Variants in AZI2 observed in about 807,000 individuals in gnomAD.
The protein encoded by AZI2 is 5-azacytidine induced 2.
Under a neutral mutation model 45.8 loss-of-function variants are expected in AZI2, and 22 were observed. That is an observed-to-expected ratio of 0.48 (90% confidence interval 0.34 to 0.69). The LOEUF is 0.69. Ranked by LOEUF, AZI2 falls within the 30% of genes least tolerant of loss-of-function variation. The pLI is 0.01. For missense variants in AZI2, 417 were observed against 441.5 expected, an observed-to-expected ratio of 0.94 and a Z score of 0.50; for synonymous variants, 137 against 156.7, an observed-to-expected ratio of 0.87 and a Z score of 0.94.
intron 6 of AZI2, among the ~76,000 whole-genome samples, chr3:28,329,000 C>T (rs534710000): frequency 6.6e-6 from 1 of 151,260 alleles, no homozygotes; most frequent in African/African-American, 2.4e-5. Flanking sequence ...ATCCTCACCG[C>T]AGTTCCCCAA....
intron 7 of AZI2, among the ~76,000 whole-genome samples, chr3:28,326,059 C>CT (rs1379945108): frequency 6.6e-6 from 1 of 151,016 alleles, no homozygotes; most frequent in Non-Finnish European, 1.5e-5. Flanking sequence ...TGGTGATAAT[C>CT]TTTTATAAAA....
chr3:28,338,666 A>C, intron 2 of AZI2, 51 bp from the exon 3 acceptor site: 1 of 1,523,914 alleles, frequency 6.6e-7, no homozygotes, highest in Non-Finnish European at 8.9e-7. Flanking sequence ...TCTATAGATA[A>C]AAAATAAGTC....
intron 1 of AZI2, among the ~76,000 whole-genome samples, chr3:28,344,188 GT>G (rs1198848005): frequency 6.6e-6 from 1 of 151,862 alleles, no homozygotes; most frequent in East Asian, 1.9e-4. Context: ...AACTTTTATT[GT>G]TTTAAAATAA....
intron 7 of AZI2, among the ~76,000 whole-genome samples, chr3:28,326,309 A>G (rs1254907091): frequency 1.3e-5 from 2 of 151,044 alleles, no homozygotes; most frequent in Admixed American, 6.6e-5. Context: ...GTTGAAGGGC[A>G]TAAGGGGAGA....
At chr3:28,335,867 G>A (rs1356786805) in intron 5 of AZI2, among the ~76,000 whole-genome samples, 1 of 151,988 alleles carries the variant, frequency 6.6e-6, no homozygotes, top group Non-Finnish European at 1.5e-5. Context: ...AAATGGTTGA[G>A]TGGAGAAACA....
rs754137225 is a variant in AZI2, at chr3:28,338,625, T to C, written c.217-10A>G. On this transcript the variant is annotated splice_polypyrimidine_tract_variant and intron_variant, in intron 2 of 7. Transcript: ENST00000479665. ...CAAATCGAGCTATTAGCTAACGGTATGAAATTAGAAGAGAAAGCTTAAGAG... is the reference window on the plus strand; with the variant it reads ...CAAATCGAGCTATTAGCTAACGGTACGAAATTAGAAGAGAAAGCTTAAGAG... The C allele has an allele frequency of 6.2e-7, 1 of 1,605,638 alleles. No individual in the cohort carries two copies. Among genetic ancestry groups the C allele is most frequent in the South Asian group, 1.1e-5 (1 of 89,674 alleles).
chr3:28,331,410 C>T (rs1371208964), intron 6 of AZI2, among the ~76,000 whole-genome samples: 5 of 151,392 alleles, frequency 3.3e-5, no homozygotes, highest in South Asian at 2.1e-4. Context: ...AGATAAAATT[C>T]GAAGGCATAA....
At position 28,338,473 on chromosome 3, in the gene AZI2, T is replaced by A. The variant is rs1703884365; in HGVS notation, c.339+20A>T. On this transcript the variant is annotated intron_variant, in intron 3 of 7. Transcript: ENST00000479665. The stretch of plus-strand genomic sequence containing the variant: ...ATTCATTTCCAAAATGCAGATGTCA[T>A]TCGCTTCAAATCAACTTACCATTTT... The A allele has an allele frequency of 6.6e-7, 1 of 1,517,238 alleles. No homozygotes were observed. Among genetic ancestry groups the A allele is most frequent in the Non-Finnish European group, 9.0e-7 (1 of 1,116,724 alleles). The allele number at this position is 1,517,238 out of a possible 1,614,324, so 94.0% of individuals were successfully genotyped here.
intron 5 of AZI2, among the ~76,000 whole-genome samples, chr3:28,335,286 C>G (rs1703746983): frequency 2.0e-5 from 3 of 151,856 alleles, no homozygotes; most frequent in Admixed American, 2.0e-4. Flanking sequence ...TAAAGGCTAT[C>G]AAATTTCCTT....
At chr3:28,342,260 T>G (rs191651321) in intron 1 of AZI2, among the ~76,000 whole-genome samples, 1 of 152,208 alleles carries the variant, frequency 6.6e-6, no homozygotes, top group Non-Finnish European at 1.5e-5. Context: ...AAAATAAATG[T>G]GTATACTACA....
rs1703282344 is a variant in AZI2, at chr3:28,324,010, T to C, written c.*32A>G. On this transcript the variant is annotated 3_prime_UTR_variant, in exon 8 of 8. Transcript: ENST00000479665. Reference sequence around the variant, plus strand: ...GGAGGACCACTGAAAGAGATAAGTGTCCTCATGGTGAAATCGTGAATCTCT... The same window carrying C: ...GGAGGACCACTGAAAGAGATAAGTGCCCTCATGGTGAAATCGTGAATCTCT... 6.4e-7 allele frequency: 1 copy of C among 1,561,054 alleles called. No homozygotes were observed. Among genetic ancestry groups the C allele is most frequent in the Non-Finnish European group, 8.7e-7 (1 of 1,146,086 alleles).
intron 1 of AZI2, chr3:28,348,381 C>T: frequency 6.6e-6 from 1 of 152,336 alleles, no homozygotes; most frequent in Non-Finnish European, 1.5e-5. Flanking sequence ...GCCTGGACAG[C>T]TGGGGGTGAG....
Position 28,323,699 on chromosome 3 carries a change from A to G in AZI2, c.*343T>C, listed in dbSNP as rs1703266329. The G allele has an allele frequency of 5.7e-6, 1 of 176,194 alleles. No individual in the cohort carries two copies. The highest frequency in any genetic ancestry group is 1.5e-4 in the East Asian group (1 of 6,706). 10.9% of individuals were successfully genotyped at this position (176,194 alleles called of 1,614,324 possible). A position where few individuals can be genotyped will look rare whatever the true frequency, so the allele number is the denominator to read the frequency against. On this transcript the variant is annotated 3_prime_UTR_variant, in exon 8 of 8. Coordinates refer to ENST00000479665, the MANE Select transcript of AZI2 (RefSeq NM_022461.5). ...ATGAACAGATATTTAGACATTTCACATTTTGTAAAACCACGTCTACAATCT... is the reference window on the plus strand; with the variant it reads ...ATGAACAGATATTTAGACATTTCACGTTTTGTAAAACCACGTCTACAATCT...
chr3:28,325,965 T>G (rs969375167), intron 7 of AZI2, among the ~76,000 whole-genome samples: 2 of 151,048 alleles, frequency 1.3e-5, no homozygotes, highest in African/African-American at 4.8e-5. Flanking sequence ...TAATAAACAC[T>G]CCTGAGGAGA....
rs948311980 is a variant in AZI2 at position 28,322,756 on chromosome 3, A to T, written c.*1286T>A. On this transcript the variant is annotated 3_prime_UTR_variant, in exon 8 of 8. Coordinates refer to ENST00000479665, the MANE Select transcript of AZI2 (RefSeq NM_022461.5). ...ACAGACAAGCTTGAATAAGTGTAAG[A>T]TAATAGAAAAAAATATCTAGTGAAT... 2.0e-5 allele frequency: 3 copies of T among 151,634 alleles called. No individual in the cohort carries two copies. The highest frequency in any genetic ancestry group is 3.0e-5 in the Non-Finnish European group (2 of 67,416). The allele number at this position is 151,634 out of a possible 1,614,324, so 9.4% of individuals were successfully genotyped here.
At chr3:28,331,348 C>CTA (rs1439159996) in intron 6 of AZI2, among the ~76,000 whole-genome samples, 1 of 151,386 alleles carries the variant, frequency 6.6e-6, no homozygotes, top group Non-Finnish European at 1.5e-5. Flanking sequence ...TACATGGATA[C>CTA]TATACTAGAC....
At chr3:28,332,741 A>C (rs1358756236) in intron 5 of AZI2, among the ~76,000 whole-genome samples, 6 of 151,784 alleles carry the variant, frequency 4.0e-5, no homozygotes, top group African/African-American at 1.4e-4. Flanking sequence ...GTGTATATTC[A>C]AAAAAGTGTT....
At chr3:28,325,568 TAGA>T (rs1703358259) in intron 7 of AZI2, among the ~76,000 whole-genome samples, 1 of 151,018 alleles carries the variant, frequency 6.6e-6, no homozygotes, top group African/African-American at 2.4e-5. Context: ...GGAAAAGTGC[TAGA>T]AAACTTATGT....
Position 28,324,297 on chromosome 3 carries a change from CTTTACA to C in AZI2, c.918_923del (p.Asp306_Lys308delinsGlu). ...GGAGGATTGCTTTCTCTGATAAAACCTTTACATCTCCTGGTAAAGGGGAAGATGTGG... is the reference window on the plus strand; with the variant it reads ...GGAGGATTGCTTTCTCTGATAAAACCTCTCCTGGTAAAGGGGAAGATGTGG... On this transcript the variant is annotated inframe_deletion, in exon 8 of 8. Transcript: ENST00000479665. The C allele has an allele frequency of 1.2e-6, 2 of 1,607,656 alleles. No individual in the cohort carries two copies. Among genetic ancestry groups the C allele is most frequent in the Non-Finnish European group, 1.7e-6 (2 of 1,175,878 alleles).
Sources: allele counts gnomAD v4.1 joint callset (sites outside exome capture counted in the v4.1 genomes callset), GRCh38; gene constraint gnomAD v4.1.1; transcripts MANE v1.5; gene names NCBI Gene and HGNC (gene_info 2026-07-23, HGNC 2026-07-21).